Variants in GLI3 observed in about 807,000 individuals in gnomAD.
GLI3 encodes GLI family zinc finger 3.
A neutral mutation model predicts 100.8 loss-of-function variants in GLI3; 20 were observed. The observed-to-expected ratio is 0.20, with a 90% confidence interval of 0.14 to 0.29. GLI3 has a LOEUF of 0.29. Among genes scored for constraint, GLI3 ranks in the 10% least tolerant of loss-of-function variants. The pLI is 1.00. For synonymous variants in GLI3, 938 were observed against 860.5 expected (o/e 1.09, Z -1.58); for missense variants, 2,040 against 2,128.5 (o/e 0.96, Z 0.82).
At chr7:42,090,328 T>C (rs959260457) in intron 3 of GLI3, among the ~76,000 whole-genome samples, 4 of 152,192 alleles carry the variant, frequency 2.6e-5, no homozygotes, top group East Asian at 1.9e-4. Flanking sequence ...AAAGTGACTG[T>C]ACTATGACGT....
intron 3 of GLI3, among the ~76,000 whole-genome samples, chr7:42,077,688 C>T (rs1257184808): frequency 6.6e-6 from 1 of 151,726 alleles, no homozygotes; most frequent in African/African-American, 2.4e-5. Flanking sequence ...CCCCCACTTA[C>T]TCCTAGTAAC....
intron 2 of GLI3, among the ~76,000 whole-genome samples, chr7:42,172,322 T>C (rs1456453723): frequency 6.6e-6 from 1 of 152,164 alleles, no homozygotes; most frequent in Middle Eastern, 3.2e-3. Context: ...ACCCATGAGA[T>C]CTCAGCCATG....
At chr7:42,142,714 G>A (rs1310796295) in intron 3 of GLI3, among the ~76,000 whole-genome samples, 3 of 151,498 alleles carry the variant, frequency 2.0e-5, no homozygotes, top group Non-Finnish European at 4.4e-5. Flanking sequence ...TTGCAATGCA[G>A]CTCTTTAAAA....
chr7:42,097,492 G>A (rs968689227), intron 3 of GLI3, among the ~76,000 whole-genome samples: 1 of 152,140 alleles, frequency 6.6e-6, no homozygotes, highest in Non-Finnish European at 1.5e-5. Context: ...GATGCCTGGG[G>A]CCTACCCCGG....
At chr7:42,096,218 A>G (rs1785335219) in intron 3 of GLI3, among the ~76,000 whole-genome samples, 1 of 152,162 alleles carries the variant, frequency 6.6e-6, no homozygotes, top group African/African-American at 2.4e-5. Flanking sequence ...CTGTTTGTTT[A>G]TGGGTGGAAG....
intron 10 of GLI3, among the ~76,000 whole-genome samples, chr7:42,021,580 C>CA (rs1788943865): frequency 6.6e-6 from 1 of 152,136 alleles, no homozygotes; most frequent in Non-Finnish European, 1.5e-5. Context: ...TACCGCACTC[C>CA]AAAAAATATT....
Position 42,148,559 on chromosome 7 carries a change from C to T in GLI3, c.125-91G>A, listed in dbSNP as rs572751395. 29 of 1,207,750 alleles carry T rather than the reference C, an allele frequency of 2.4e-5. No individual in the cohort carries two copies. In the African/African-American group the frequency reaches 3.4e-4, roughly 14 times the overall value. 74.8% of individuals were successfully genotyped at this position (1,207,750 alleles called of 1,614,324 possible). A position where few individuals can be genotyped will look rare whatever the true frequency, so the allele number is the denominator to read the frequency against. On this transcript the variant is annotated intron_variant, in intron 2 of 14. Coordinates refer to ENST00000395925, the MANE Select transcript of GLI3 (RefSeq NM_000168.6). ...CAATTAGGTCTCATTCTCGATATCC[C>T]TCTCCCGGAAAAGAAGTATCTTTCT...
At position 42,249,051 on chromosome 7, in the gene GLI3, C is replaced by A. The variant is rs556610430; in HGVS notation, c.-43+14943G>T. ...CATGAGCCACTGCGCCTGGCCTTAT[C>A]GAAATTTAGGAGAGTATTTTAAGGG... On this transcript the variant is annotated intron_variant, in intron 1 of 2. Coordinates refer to the GLI3 transcript ENST00000678978. Among the ~76,000 whole-genome samples the A allele has an allele frequency of 5.3e-5, 8 of 152,132 alleles. No homozygotes were observed. The East Asian group carries it at 1.5e-3, about 29-fold the overall frequency.
At chr7:42,015,879 A>T (rs1026034446) in intron 10 of GLI3, among the ~76,000 whole-genome samples, 1 of 151,426 alleles carries the variant, frequency 6.6e-6, no homozygotes, top group Non-Finnish European at 1.5e-5. Context: ...TTTAATCACA[A>T]TTTTTTTTTG....
chr7:42,207,381 A>T (rs1353371017), intron 2 of GLI3, among the ~76,000 whole-genome samples: 1 of 152,196 alleles, frequency 6.6e-6, no homozygotes, highest in African/African-American at 2.4e-5. Context: ...TGACTTTTTA[A>T]TCTGTGTATT....
Position 42,107,107 on chromosome 7 carries a change from G to T in GLI3, c.368-30250C>A, listed in dbSNP as rs570594360. 2.0e-5 allele frequency among the ~76,000 whole-genome samples: 3 copies of T among 152,092 alleles called. No individual in the cohort carries two copies. In the South Asian group the frequency reaches 6.2e-4, roughly 32 times the overall value. ...GAGGCTGGCAAACTGCTTGAGCCCA[G>T]GAGTTTGAGACCAGCCTGGGCAACA... On this transcript the variant is annotated intron_variant, in intron 3 of 14. Transcript: ENST00000395925.
chr7:42,112,122 A>G (rs10951667), intron 3 of GLI3, among the ~76,000 whole-genome samples: 74,533 of 152,082 alleles, frequency 0.49, 20,379 homozygotes, highest in East Asian at 0.71. Context: ...CATGACAGGA[A>G]TTTCATCTGC....
At chr7:42,021,345 GT>G (rs1788936336) in intron 10 of GLI3, among the ~76,000 whole-genome samples, 1 of 152,144 alleles carries the variant, frequency 6.6e-6, no homozygotes. Context: ...ATAGTCCACT[GT>G]ATATGTGCGC....
At chr7:42,210,892 T>A (rs1263417515) in intron 2 of GLI3, among the ~76,000 whole-genome samples, 2 of 152,218 alleles carry the variant, frequency 1.3e-5, no homozygotes, top group Non-Finnish European at 2.9e-5. Flanking sequence ...CACTAGTCAC[T>A]GGCAAGAACA....
intron 4 of GLI3, among the ~76,000 whole-genome samples, chr7:42,052,718 G>A (rs139810839): frequency 2.0e-4 from 31 of 152,194 alleles, no homozygotes; most frequent in Non-Finnish European, 2.5e-4. Context: ...GTTCCCTAGC[G>A]GAGCAGTGGC....
At chr7:42,216,148 G>A (rs1788372781) in intron 2 of GLI3, among the ~76,000 whole-genome samples, 1 of 152,146 alleles carries the variant, frequency 6.6e-6, no homozygotes, top group South Asian at 2.1e-4. Flanking sequence ...GCTTCTAACT[G>A]CACAACACTA....
intron 1 of GLI3, among the ~76,000 whole-genome samples, chr7:42,246,610 A>AG (rs1788974872): frequency 7.3e-6 from 1 of 137,204 alleles, no homozygotes; most frequent in Non-Finnish European, 1.5e-5. Context: ...CTGTACATAC[A>AG]GAAAAACAAA....
In GLI3 at chr7:41,977,675, T is replaced by C; in HGVS notation, c.1695A>G (p.Thr565=). The C allele has an allele frequency of 1.9e-6, 3 of 1,614,124 alleles. No individual in the cohort carries two copies. The highest frequency in any genetic ancestry group is 2.5e-6 in the Non-Finnish European group (3 of 1,179,964). Residue 565 remains threonine, a synonymous_variant, in exon 12 of 15, where the codon ACA becomes ACG. Coordinates refer to ENST00000395925, the MANE Select transcript of GLI3 (RefSeq NM_000168.6). ...TCTCTCCAGTGTGAGATCTCAAGTG[T>C]GTTTTCAAGTTTTCTAGTCTCGAGT... The part of the protein sequence containing the change: ...KAYSRLENLK[T]HLRSHTGEKP...
intron 4 of GLI3, among the ~76,000 whole-genome samples, chr7:42,069,375 G>A (rs189510684): frequency 3.3e-5 from 5 of 152,250 alleles, no homozygotes; most frequent in Admixed American, 1.3e-4. Context: ...TTATGTGCCC[G>A]CTCATCAGAA....
Sources: allele counts gnomAD v4.1 joint callset (sites outside exome capture counted in the v4.1 genomes callset), GRCh38; gene constraint gnomAD v4.1.1; transcripts MANE v1.5; gene names NCBI Gene and HGNC (gene_info 2026-07-23, HGNC 2026-07-21).